RIMS2: variants seen among roughly 807,000 people sequenced by gnomAD.
RIMS2 encodes the protein regulating synaptic membrane exocytosis protein 2.
Under a neutral mutation model 174.4 loss-of-function variants are expected in RIMS2, and 59 were observed. That is an observed-to-expected ratio of 0.34 (90% CI 0.27 to 0.42). The LOEUF (loss-of-function observed/expected upper bound fraction) is 0.42, where lower values mean the gene tolerates loss of function less well. Ranked by LOEUF, RIMS2 falls within the 10% of genes least tolerant of loss-of-function variation. The pLI is 1.00. For synonymous variants in RIMS2, 606 were observed against 572.5 expected (o/e 1.06, Z -0.84); for missense variants, 1,620 against 1,666.3 (o/e 0.97, Z 0.48).
intron 3 of RIMS2, among the ~76,000 whole-genome samples, chr8:103,873,244 T>TG (rs1477703519): frequency 6.6e-6 from 1 of 152,142 alleles, no homozygotes; most frequent in Non-Finnish European, 1.5e-5. Flanking sequence ...AGCAATTTCT[T>TG]TGTTTTTCCT....
intron 1 of RIMS2, among the ~76,000 whole-genome samples, chr8:103,525,427 G>T (rs1318422731): frequency 6.6e-6 from 1 of 152,198 alleles, no homozygotes; most frequent in African/African-American, 2.4e-5. Context: ...TGGATGGCCT[G>T]TTCAATGTGC....
At chr8:103,595,565 G>C (rs571525892) in intron 1 of RIMS2, among the ~76,000 whole-genome samples, 3 of 151,896 alleles carry the variant, frequency 2.0e-5, no homozygotes, top group Non-Finnish European at 4.4e-5. Flanking sequence ...GAGAAGTGTT[G>C]GGGCTGTGGA....
chr8:103,842,623 CT>C (rs1314254398), intron 3 of RIMS2, among the ~76,000 whole-genome samples: 1 of 152,130 alleles, frequency 6.6e-6, no homozygotes, highest in Non-Finnish European at 1.5e-5. Context: ...TGTGTAATTG[CT>C]TTCCCAAAAG....
chr8:103,876,946 A>C (rs1478746912), intron 3 of RIMS2, among the ~76,000 whole-genome samples: 1 of 123,054 alleles, frequency 8.1e-6, no homozygotes, highest in Non-Finnish European at 1.8e-5. Flanking sequence ...CAGTTTCTTT[A>C]TCCACTCGTT....
chr8:103,634,839 C>G (rs2096034245), intron 1 of RIMS2, among the ~76,000 whole-genome samples: 1 of 151,958 alleles, frequency 6.6e-6, no homozygotes, highest in Non-Finnish European at 1.5e-5. Context: ...GGATTGTCAA[C>G]CCTGCTTTTT....
At chr8:104,135,031 A>C (rs2098506771) in intron 19 of RIMS2, among the ~76,000 whole-genome samples, 1 of 152,166 alleles carries the variant, frequency 6.6e-6, no homozygotes, top group African/African-American at 2.4e-5. Context: ...GAAATTCATG[A>C]AGTTTTTTTC....
intron 3 of RIMS2, among the ~76,000 whole-genome samples, chr8:103,813,835 C>T (rs896571679): frequency 6.6e-6 from 1 of 152,076 alleles, no homozygotes; most frequent in Non-Finnish European, 1.5e-5. Flanking sequence ...CAGGTCTTTG[C>T]TATTGTGAAT....
At chr8:103,926,862 A>G (rs1170423425) in intron 10 of RIMS2, among the ~76,000 whole-genome samples, 1 of 151,548 alleles carries the variant, frequency 6.6e-6, no homozygotes, top group Non-Finnish European at 1.5e-5. Context: ...TCAACATGAA[A>G]ACAAAAGTCA....
intron 19 of RIMS2, among the ~76,000 whole-genome samples, chr8:104,240,967 T>G (rs2099288025): frequency 6.6e-6 from 1 of 152,110 alleles, no homozygotes; most frequent in African/African-American, 2.4e-5. Flanking sequence ...TGCTGTCATT[T>G]CAGTTTGAGG....
chr8:104,046,738 G>C (rs2096702987), intron 19 of RIMS2, among the ~76,000 whole-genome samples: 4 of 151,968 alleles, frequency 2.6e-5, no homozygotes, highest in Admixed American at 2.6e-4. Flanking sequence ...GTCAAAGACA[G>C]AGATACTCAT....
chr8:103,902,903 A>C (rs545274814), intron 4 of RIMS2, among the ~76,000 whole-genome samples: 1 of 152,246 alleles, frequency 6.6e-6, no homozygotes, highest in African/African-American at 2.4e-5. Context: ...CTTTTAAATT[A>C]CTCAGTGCCC....
chr8:103,752,696 C>T (rs374111324), intron 2 of RIMS2, among the ~76,000 whole-genome samples: 9 of 152,240 alleles, frequency 5.9e-5, no homozygotes, highest in East Asian at 1.9e-4. Flanking sequence ...TTTGAAGCAA[C>T]TGTGAATGGG....
chr8:104,217,130 C>G (rs1332351288), intron 19 of RIMS2, among the ~76,000 whole-genome samples: 1 of 152,080 alleles, frequency 6.6e-6, no homozygotes, highest in Admixed American at 6.5e-5. Flanking sequence ...TGAGTTAAAT[C>G]TTACCATTAG....
chr8:103,501,028 A>G, exon 1 of RIMS2: 1 of 1,610,112 alleles, frequency 6.2e-7, no homozygotes, highest in Admixed American at 1.7e-5. Context: ...GGATAGGCAG[A>G]AGAAAGAAGA....
chr8:103,738,629 C>T (rs1335929151), intron 2 of RIMS2, among the ~76,000 whole-genome samples: 3 of 152,174 alleles, frequency 2.0e-5, no homozygotes, highest in Non-Finnish European at 4.4e-5. Flanking sequence ...TTGCAATCTA[C>T]TCATCTGACA....
intron 14 of RIMS2, among the ~76,000 whole-genome samples, chr8:103,958,519 A>G (rs181930483): frequency 3.6e-4 from 55 of 152,330 alleles, no homozygotes; most frequent in African/African-American, 1.2e-3. Context: ...GAGTTGACCT[A>G]TGTAACAAAC....
intron 1 of RIMS2, among the ~76,000 whole-genome samples, chr8:103,558,670 A>G (rs2449910): frequency 0.35 from 53,776 of 151,770 alleles, 10,253 homozygotes; most frequent in East Asian, 0.77. Context: ...TTTAAACAGG[A>G]TTTTTCCTCC....
intron 19 of RIMS2, among the ~76,000 whole-genome samples, chr8:104,055,744 A>AAAATG (rs1292044829): frequency 6.6e-5 from 10 of 152,206 alleles, no homozygotes; most frequent in Non-Finnish European, 1.3e-4. Flanking sequence ...AAGCATTTGC[A>AAAATG]CTTTAGCCTA....
chr8:103,694,653 C>T (rs572064793), intron 1 of RIMS2, among the ~76,000 whole-genome samples: 1 of 152,028 alleles, frequency 6.6e-6, no homozygotes, highest in South Asian at 2.1e-4. Context: ...AGATACCAGC[C>T]TGGATCCTGG....
Sources: gnomAD v4.1 joint callset for allele counts (sites outside exome capture counted in the v4.1 genomes callset) on GRCh38, gnomAD v4.1.1 for gene constraint, MANE v1.5 for transcripts, NCBI Gene and HGNC (gene_info 2026-07-23, HGNC 2026-07-21) for gene names.